Variants in JAKMIP2 observed in about 807,000 individuals in gnomAD.
JAKMIP2 encodes janus kinase and microtubule-interacting protein 2.
Under a neutral mutation model 115.0 loss-of-function variants are expected in JAKMIP2, and 25 were observed. The ratio of observed to expected loss-of-function variants is 0.22; its 90% CI spans 0.16 to 0.30. JAKMIP2 has a LOEUF of 0.30. Ranked by LOEUF, JAKMIP2 falls within the 10% of genes least tolerant of loss-of-function variation. JAKMIP2 has a pLI of 1.00. For missense variants in JAKMIP2, 642 were observed against 957.6 expected (o/e 0.67, Z 4.35); for synonymous variants, 334 against 343.6 (o/e 0.97, Z 0.31).
intron 1 of JAKMIP2, among the ~76,000 whole-genome samples, chr5:147,721,304 T>C (rs1381643038): frequency 6.6e-6 from 1 of 152,152 alleles, no homozygotes; most frequent in African/African-American, 2.4e-5. Context: ...GTCTTTTTGT[T>C]TGTCTGTGCC....
chr5:147,768,739 A>G (rs1200021144), intron 1 of JAKMIP2, among the ~76,000 whole-genome samples: 1 of 152,186 alleles, frequency 6.6e-6, no homozygotes, highest in Admixed American at 6.6e-5. Flanking sequence ...TCCCCAATAA[A>G]GAACAAATAT....
At chr5:147,707,550 C>A (rs982778017) in intron 1 of JAKMIP2, among the ~76,000 whole-genome samples, 2 of 151,984 alleles carry the variant, frequency 1.3e-5, no homozygotes, top group Non-Finnish European at 2.9e-5. Context: ...ATGAGATTTT[C>A]TTTCATAACT....
intron 1 of JAKMIP2, among the ~76,000 whole-genome samples, chr5:147,710,079 G>A (rs1158421430): frequency 2.0e-5 from 3 of 152,114 alleles, no homozygotes; most frequent in Non-Finnish European, 2.9e-5. Flanking sequence ...CTTAAAATCC[G>A]AAGGAGTATT....
rs202113303 is a variant in JAKMIP2 at position 147,781,688 on chromosome 5, A to G, written c.-149+768T>C. Among the ~76,000 whole-genome samples, 7 of 152,214 alleles carry G rather than the reference A, an allele frequency of 4.6e-5. No homozygotes were observed. The East Asian group carries it at 1.3e-3, about 29-fold the overall frequency. Reference sequence around the variant, plus strand: ...CAGAGTAAATTTCACATTAATCCAAATAAAGCCAATGAATAATAATATAAA... The same window carrying G: ...CAGAGTAAATTTCACATTAATCCAAGTAAAGCCAATGAATAATAATATAAA... On this transcript the variant is annotated intron_variant, in intron 1 of 21. Coordinates refer to ENST00000616793, the MANE Select transcript of JAKMIP2 (RefSeq NM_001270941.2).
intron 14 of JAKMIP2, 72 bp downstream of exon 14, chr5:147,631,341 A>G: frequency 1.1e-6 from 1 of 878,162 alleles, no homozygotes; most frequent in Non-Finnish European, 1.8e-6. Context: ...AAATAGTCGT[A>G]AGTAACCTCC....
At chr5:147,703,619 A>C (rs1452755501) in intron 1 of JAKMIP2, among the ~76,000 whole-genome samples, 3 of 148,454 alleles carry the variant, frequency 2.0e-5, no homozygotes, top group African/African-American at 7.5e-5. Flanking sequence ...TAGTGACAAG[A>C]CCTCACTATG....
chr5:147,651,219 T>C (rs936372183), intron 3 of JAKMIP2, among the ~76,000 whole-genome samples: 2 of 152,218 alleles, frequency 1.3e-5, no homozygotes, highest in African/African-American at 2.4e-5. Context: ...AGAAAATATC[T>C]GGCAATATTA....
chr5:147,589,024 C>T lies in JAKMIP2; in HGVS notation c.*2683G>A, dbSNP rs936202830. The T allele has an allele frequency of 6.6e-6, 1 of 152,066 alleles. No individual in the cohort carries two copies. Among genetic ancestry groups the T allele is most frequent in the South Asian group, 2.1e-4 (1 of 4,820 alleles). The allele number at this position is 152,066 out of a possible 1,614,324, so 9.4% of individuals were successfully genotyped here. The stretch of plus-strand genomic sequence containing the variant: ...TAGATATGTGAGAGTAATTTATCCT[C>T]TTCCATATTTTCTGACTCAAGTTGG... On this transcript the variant is annotated 3_prime_UTR_variant, in exon 22 of 22. Transcript: ENST00000616793.
rs576497801 is a variant in JAKMIP2 at position 147,595,842 on chromosome 5, A to G, written c.*21-4156T>C. ...CAAGGTTGAACAAAATTATATGGTCATTATCTGCATCAAGCTTATTTACAA... is the reference window on the plus strand; with the variant it reads ...CAAGGTTGAACAAAATTATATGGTCGTTATCTGCATCAAGCTTATTTACAA... On this transcript the variant is annotated intron_variant, in intron 21 of 21. Coordinates refer to ENST00000616793, the MANE Select transcript of JAKMIP2 (RefSeq NM_001270941.2). 1.5e-3 allele frequency among the ~76,000 whole-genome samples: 229 copies of G among 152,294 alleles called. 1 individual carries two copies. The highest frequency in any genetic ancestry group is 5.4e-3 in the African/African-American group (224 of 41,562).
At chr5:147,734,652 C>CAA (rs199523482) in intron 1 of JAKMIP2, among the ~76,000 whole-genome samples, 5 of 140,080 alleles carry the variant, frequency 3.6e-5, no homozygotes, top group East Asian at 4.0e-4. Flanking sequence ...TACTATAATA[C>CAA]AAAAAAAAAA....
chr5:147,675,761 T>G (rs918698227), intron 1 of JAKMIP2, among the ~76,000 whole-genome samples: 1 of 150,662 alleles, frequency 6.6e-6, no homozygotes, highest in African/African-American at 2.5e-5. Flanking sequence ...CTGGACATTT[T>G]GTATAAGTGG....
At chr5:147,716,689 G>T (rs1037352301) in intron 1 of JAKMIP2, among the ~76,000 whole-genome samples, 1 of 149,254 alleles carries the variant, frequency 6.7e-6, no homozygotes, top group Admixed American at 6.7e-5. Flanking sequence ...TTTTGATGGG[G>T]TTGTTTGTTT....
intron 1 of JAKMIP2, among the ~76,000 whole-genome samples, chr5:147,688,859 C>T (rs1276440621): frequency 6.6e-6 from 1 of 152,176 alleles, no homozygotes; most frequent in Non-Finnish European, 1.5e-5. Context: ...ATGGAAGATA[C>T]AGCAGTGAAT....
intron 1 of JAKMIP2, among the ~76,000 whole-genome samples, chr5:147,702,459 A>AGGG (rs1752367863): frequency 8.0e-6 from 1 of 125,604 alleles, no homozygotes; most frequent in African/African-American, 3.5e-5. Context: ...GGAAGGAAGG[A>AGGG]AGGAAGGGAG....
At chr5:147,592,828 C>A (rs1040027960) in intron 21 of JAKMIP2, among the ~76,000 whole-genome samples, 1 of 152,128 alleles carries the variant, frequency 6.6e-6, no homozygotes, top group Non-Finnish European at 1.5e-5. Flanking sequence ...CTTAGTACCC[C>A]AAGGATACTT....
At chr5:147,717,286 T>C (rs1753044591) in intron 1 of JAKMIP2, among the ~76,000 whole-genome samples, 1 of 136,614 alleles carries the variant, frequency 7.3e-6, no homozygotes, top group African/African-American at 2.8e-5. Flanking sequence ...GTGTGATGCC[T>C]CCAGCTTTGT....
At chr5:147,684,578 A>G (rs1760480948) in intron 1 of JAKMIP2, among the ~76,000 whole-genome samples, 1 of 152,148 alleles carries the variant, frequency 6.6e-6, no homozygotes. Context: ...ATTGTAGATC[A>G]CTGTGTTTGG....
chr5:147,764,158 T>C (rs1268378617), intron 1 of JAKMIP2, among the ~76,000 whole-genome samples: 1 of 152,142 alleles, frequency 6.6e-6, no homozygotes, highest in East Asian at 1.9e-4. Flanking sequence ...ACACCTAGCA[T>C]AGTACATGGC....
intron 17 of JAKMIP2, among the ~76,000 whole-genome samples, chr5:147,621,588 A>G (rs1368759023): frequency 6.6e-6 from 1 of 152,210 alleles, no homozygotes; most frequent in Non-Finnish European, 1.5e-5. Flanking sequence ...TTGTGTTTTT[A>G]AAGAGCTTTC....
Sources: allele counts gnomAD v4.1 joint callset (sites outside exome capture counted in the v4.1 genomes callset), GRCh38; gene constraint gnomAD v4.1.1; transcripts MANE v1.5; gene names NCBI Gene and HGNC (gene_info 2026-07-23, HGNC 2026-07-21).